NDUFV2: variants seen among roughly 807,000 people sequenced by gnomAD.
The protein encoded by NDUFV2 is NADH dehydrogenase [ubiquinone] flavoprotein 2, mitochondrial.
In NDUFV2, 18 loss-of-function variants were observed where a neutral mutation model predicts 31.6. The observed-to-expected ratio is 0.57, with a 90% CI of 0.39 to 0.84. The LOEUF is 0.84. Ranked by LOEUF, NDUFV2 falls within the 40% of genes least tolerant of loss-of-function variation. NDUFV2 has a pLI of 0.00. For synonymous variants in NDUFV2, 83 were observed against 99.8 expected (o/e 0.83, Z 1.01); for missense variants, 314 against 303.6 (o/e 1.03, Z -0.26).
chr18:9,134,126 A>T (rs2078063818), intron 7 of NDUFV2, 60 bp from the exon 8 acceptor site: 1 of 1,349,780 alleles, frequency 7.4e-7, no homozygotes, highest in African/African-American at 1.5e-5. Context: ...AACCATTACA[A>T]TTTAAGTAAA....
intron 1 of NDUFV2, among the ~76,000 whole-genome samples, chr18:9,115,449 AG>A (rs1348038275): frequency 5.9e-5 from 9 of 152,172 alleles, no homozygotes; most frequent in Non-Finnish European, 2.9e-5. Flanking sequence ...TTGGGTTTTT[AG>A]GTTGTGTTTT....
At chr18:9,123,674 G>C (rs2077960337) in intron 5 of NDUFV2, among the ~76,000 whole-genome samples, 1 of 152,086 alleles carries the variant, frequency 6.6e-6, no homozygotes, top group African/African-American at 2.4e-5. Context: ...TGTTTTTGTA[G>C]AGAGGGGTCT....
chr18:9,118,828 T>TTTG (rs1555697100), intron 2 of NDUFV2, among the ~76,000 whole-genome samples: 6 of 148,904 alleles, frequency 4.0e-5, no homozygotes, highest in Non-Finnish European at 6.0e-5. Flanking sequence ...TTTTTTTTTT[T>TTTG]TTTTTTTTTT....
At position 9,126,841 on chromosome 18, in the gene NDUFV2, C is replaced by T; in HGVS notation, c.590C>T (p.Thr197Ile). 2 of 1,613,000 alleles carry T rather than the reference C, an allele frequency of 1.2e-6. No homozygotes were observed. Among genetic ancestry groups the T allele is most frequent in the South Asian group, 1.1e-5 (1 of 90,926 alleles). The change falls in exon 7 of 8, where the codon ACA (threonine) becomes ATA (isoleucine). Residue 197 changes from threonine (T) to isoleucine (I), a missense_variant. Coordinates refer to ENST00000318388, the MANE Select transcript of NDUFV2 (RefSeq NM_021074.5). ...TAATTTTTTTTCCAGGAGGATTTGA[C>T]AGCTAAGGATATTGAAGAAATTATT... is the stretch of plus-strand genomic sequence containing the variant. ...QINDNYYEDL[T>I]AKDIEEIIDE...
chr18:9,104,103 T>G, intron 1 of NDUFV2: 2 of 1,599,804 alleles, frequency 1.3e-6, no homozygotes, highest in Non-Finnish European at 1.7e-6. Context: ...AGATTTTTCC[T>G]GAAGGTAATA....
intron 4 of NDUFV2, 97 bp downstream of exon 4, chr18:9,119,687 A>T: frequency 9.2e-7 from 1 of 1,083,518 alleles, no homozygotes; most frequent in Non-Finnish European, 1.4e-6. Flanking sequence ...CAGTGTCAGA[A>T]TCTAGGATTT....
chr18:9,129,238 G>A (rs2078019528), intron 7 of NDUFV2, among the ~76,000 whole-genome samples: 2 of 152,102 alleles, frequency 1.3e-5, no homozygotes, highest in African/African-American at 4.8e-5. Context: ...ACCACGCCCG[G>A]CCACTTTGGC....
intron 6 of NDUFV2, among the ~76,000 whole-genome samples, chr18:9,125,253 C>T (rs1389151651): frequency 6.6e-6 from 1 of 152,090 alleles, no homozygotes; most frequent in African/African-American, 2.4e-5. Flanking sequence ...CAGGACTTAA[C>T]TGAGAGTAAT....
At chr18:9,118,828 T>TTG (rs1555697099) in intron 2 of NDUFV2, among the ~76,000 whole-genome samples, 1 of 148,904 alleles carries the variant, frequency 6.7e-6, no homozygotes, top group Non-Finnish European at 1.5e-5. Context: ...TTTTTTTTTT[T>TTG]TTTTTTTTTT....
At chr18:9,118,830 T>TTTTG (rs2077913842) in intron 2 of NDUFV2, among the ~76,000 whole-genome samples, 2 of 149,222 alleles carry the variant, frequency 1.3e-5, no homozygotes, top group African/African-American at 2.5e-5. Context: ...TTTTTTTTTT[T>TTTTG]TTTTTTTTTT....
intron 1 of NDUFV2, among the ~76,000 whole-genome samples, chr18:9,108,518 T>C (rs2077852947): frequency 6.6e-6 from 1 of 152,190 alleles, no homozygotes; most frequent in African/African-American, 2.4e-5. Context: ...TTGGTAGGCT[T>C]GCTGAGAGGA....
At chr18:9,102,935 C>T in intron 1 of NDUFV2, 138 bp downstream of exon 1, 1 of 853,720 alleles carries the variant, frequency 1.2e-6, no homozygotes, top group Non-Finnish European at 1.7e-6. Context: ...GGCCTTAGCC[C>T]TCTTAGGGAG....
chr18:9,126,650 T>C (rs1327546986), intron 6 of NDUFV2, 181 bp from the exon 7 acceptor site: 4 of 571,144 alleles, frequency 7.0e-6, no homozygotes, highest in Non-Finnish European at 1.3e-5. Context: ...GAAAGTAATT[T>C]TGTGCCATGC....
rs1451313394 is a variant in NDUFV2 at position 9,124,885 on chromosome 18, G to A, written c.481G>A (p.Gly161Arg). 4 of 1,611,248 alleles carry A rather than the reference G, an allele frequency of 2.5e-6. No homozygotes were observed. The highest frequency in any genetic ancestry group is 3.4e-6 in the Non-Finnish European group (4 of 1,178,928). Residue 161 changes from glycine to arginine, a missense_variant, in exon 6 of 8, where the codon GGG becomes AGG. Transcript: ENST00000318388. Reference protein sequence around the residue: ...AIQKKLGIKVGETTPDKLFTL... With the variant: ...AIQKKLGIKVRETTPDKLFTL... ...ATTTGTATTTTTAGGAATAAAGGTTGGGGAGACTACACCTGACAAACTTTT... is the reference window on the plus strand; with the variant it reads ...ATTTGTATTTTTAGGAATAAAGGTTAGGGAGACTACACCTGACAAACTTTT...
intron 7 of NDUFV2, among the ~76,000 whole-genome samples, chr18:9,128,182 G>A (rs769149923): frequency 3.4e-4 from 52 of 151,908 alleles, no homozygotes; most frequent in South Asian, 6.2e-4. Context: ...ATGTCCATAC[G>A]GTATTCTAAT....
At chr18:9,128,548 T>C (rs2078012027) in intron 7 of NDUFV2, among the ~76,000 whole-genome samples, 1 of 152,212 alleles carries the variant, frequency 6.6e-6, no homozygotes. Flanking sequence ...AGGTAAATCA[T>C]TTCCCTGGTG....
At chr18:9,117,097 C>T (rs879552554) in intron 1 of NDUFV2, among the ~76,000 whole-genome samples, 28 of 150,334 alleles carry the variant, frequency 1.9e-4, no homozygotes, top group Admixed American at 3.3e-4. Flanking sequence ...AGTGCGGTGG[C>T]GCGATCTCGG....
In NDUFV2 at chr18:9,117,745, C is replaced by A. The variant is rs553127940; in HGVS notation, c.55-93C>A. 5.4e-6 allele frequency: 4 copies of A among 747,126 alleles called. No homozygotes were observed. The South Asian group carries it at 5.9e-5, about 11-fold the overall frequency. 46.3% of individuals were successfully genotyped at this position (747,126 alleles called of 1,614,324 possible). A position where few individuals can be genotyped will look rare whatever the true frequency, so the allele number is the denominator to read the frequency against. On this transcript the variant is annotated intron_variant, in intron 1 of 7. Transcript: ENST00000318388. ...CTTAAGATCTTTTATAAGTTGATTC[C>A]ATTGTTGTAAATTATGAATCCTAAA... is the stretch of plus-strand genomic sequence containing the variant.
chr18:9,120,750 G>T (rs945925051), intron 4 of NDUFV2, among the ~76,000 whole-genome samples: 1 of 151,876 alleles, frequency 6.6e-6, no homozygotes, highest in African/African-American at 2.4e-5. Context: ...TTATTTCTTC[G>T]ATAAATTATG....
Sources: gnomAD v4.1 joint callset for allele counts (sites outside exome capture counted in the v4.1 genomes callset) on GRCh38, gnomAD v4.1.1 for gene constraint, MANE v1.5 for transcripts, NCBI Gene and HGNC (gene_info 2026-07-23, HGNC 2026-07-21) for gene names.